The following SIPA1L3 variants were observed in gnomAD, a reference collection of about 807,000 sequenced individuals.
SIPA1L3 encodes the protein signal induced proliferation associated 1 like 3.
Under a neutral mutation model 150.1 loss-of-function variants are expected in SIPA1L3, and 59 were observed. The observed-to-expected ratio is 0.39, with a 90% confidence interval of 0.32 to 0.49. SIPA1L3 has a LOEUF of 0.49. SIPA1L3 is among the 20% of genes least tolerant of loss of function. The pLI is 0.86. For synonymous variants in SIPA1L3, 1,070 were observed against 1,077.6 expected, an observed-to-expected ratio of 0.99 and a Z score of 0.14; for missense variants, 2,211 against 2,489.5, an observed-to-expected ratio of 0.89 and a Z score of 2.38.
At chr19:38,041,129 T>C (rs1968910928) in intron 2 of SIPA1L3, among the ~76,000 whole-genome samples, 1 of 149,002 alleles carries the variant, frequency 6.7e-6, no homozygotes, top group African/African-American at 2.5e-5. Context: ...TTTTTTGAGT[T>C]GGAGTCTCAC....
At chr19:38,110,097 A>G (rs1005311628) in intron 7 of SIPA1L3, 130 bp from the exon 8 acceptor site, 2 of 831,804 alleles carry the variant, frequency 2.4e-6, no homozygotes, top group African/African-American at 4.0e-5. Context: ...TGACTCGGGC[A>G]TTCCTTGGGC....
intron 10 of SIPA1L3, among the ~76,000 whole-genome samples, chr19:38,140,198 T>C (rs1971542128): frequency 6.6e-6 from 1 of 152,168 alleles, no homozygotes; most frequent in Admixed American, 6.5e-5. Context: ...TGAGCTCAGC[T>C]CTCAGCTGCC....
intron 1 of SIPA1L3, among the ~76,000 whole-genome samples, chr19:37,992,449 G>C (rs1257568851): frequency 6.6e-6 from 1 of 152,048 alleles, no homozygotes; most frequent in Non-Finnish European, 1.5e-5. Flanking sequence ...TCAGGAGTTC[G>C]AGACCAGCCT....
intron 15 of SIPA1L3, among the ~76,000 whole-genome samples, chr19:38,177,801 G>A (rs1020361974): frequency 6.6e-6 from 1 of 152,174 alleles, no homozygotes; most frequent in Non-Finnish European, 1.5e-5. Flanking sequence ...CGAGGCAGGT[G>A]GATCACTTGA....
intron 21 of SIPA1L3, among the ~76,000 whole-genome samples, chr19:38,204,659 G>C (rs1458514659): frequency 6.6e-6 from 1 of 152,142 alleles, no homozygotes; most frequent in Non-Finnish European, 1.5e-5. Context: ...CAGGTACTCA[G>C]GATGCTGAGG....
intron 1 of SIPA1L3, among the ~76,000 whole-genome samples, chr19:37,991,396 G>A (rs1189169453): frequency 6.6e-6 from 1 of 152,250 alleles, no homozygotes; most frequent in African/African-American, 2.4e-5. Context: ...ATCTCTCTGG[G>A]GATGGGAGGA....
chr19:37,925,238 G>C (rs527645881), intron 1 of SIPA1L3, among the ~76,000 whole-genome samples: 19 of 152,168 alleles, frequency 1.2e-4, no homozygotes, highest in Non-Finnish European at 2.2e-4. Flanking sequence ...TGGTCGTCTT[G>C]TGGGACCACC....
chr19:38,118,083 A>G (rs1391911536), intron 8 of SIPA1L3, among the ~76,000 whole-genome samples: 1 of 152,192 alleles, frequency 6.6e-6, no homozygotes, highest in East Asian at 1.9e-4. Context: ...AGAGGAATGC[A>G]ATGAATTTTC....
rs769466798 is a variant in SIPA1L3 at position 38,119,382 on chromosome 19, G to T, written c.2368G>T (p.Asp790Tyr). 6 of 1,613,942 alleles carry T rather than the reference G, an allele frequency of 3.7e-6. No homozygotes were observed. In the African/African-American group the frequency reaches 6.7e-5, roughly 18 times the overall value. Residue 790 changes from aspartate (D) to tyrosine (Y), a missense_variant, in exon 9 of 22, where the codon GAC (aspartate) becomes TAC (tyrosine). Physicochemically the swap from Asp to Tyr is radical, Grantham distance 160. Transcript: ENST00000222345. Reference protein sequence around the residue: ...IPSGTTFRKSDVFRDFLLAKV... With the variant: ...IPSGTTFRKSYVFRDFLLAKV... ...CAGTGGAACCACATTCCGCAAATCCGACGTCTTCAGAGACTTCTTGCTGGC... is the reference window on the plus strand; with the variant it reads ...CAGTGGAACCACATTCCGCAAATCCTACGTCTTCAGAGACTTCTTGCTGGC...
At chr19:38,077,459 AT>A (rs1223858297) in intron 2 of SIPA1L3, among the ~76,000 whole-genome samples, 1 of 151,986 alleles carries the variant, frequency 6.6e-6, no homozygotes, top group South Asian at 2.1e-4. Flanking sequence ...TCTAAAAAAA[AT>A]AATAATAAAA....
At chr19:38,037,678 G>A (rs978959300) in intron 2 of SIPA1L3, among the ~76,000 whole-genome samples, 20 of 152,092 alleles carry the variant, frequency 1.3e-4, no homozygotes, top group Non-Finnish European at 2.9e-5. Flanking sequence ...TTCGAGGAGC[G>A]GGACACAGGC....
At chr19:38,095,814 A>G (rs1483081382) in intron 4 of SIPA1L3, among the ~76,000 whole-genome samples, 1 of 152,198 alleles carries the variant, frequency 6.6e-6, no homozygotes, top group Non-Finnish European at 1.5e-5. Context: ...GTCAGAGCCA[A>G]AATGTGACTG....
In SIPA1L3 at chr19:38,206,616, G is replaced by C. The variant is rs1367845624; in HGVS notation, c.*376G>C. 5.5e-6 allele frequency: 1 copy of C among 181,764 alleles called. No individual in the cohort carries two copies. Among genetic ancestry groups the C allele is most frequent in the Non-Finnish European group, 1.1e-5 (1 of 87,758 alleles). 11.3% of individuals were successfully genotyped at this position (181,764 alleles called of 1,614,324 possible). A position where few individuals can be genotyped will look rare whatever the true frequency, so the allele number is the denominator to read the frequency against. ...GTCTCCAGACGCCTCGGCTCCAGGA[G>C]GTCACACAGCAGGTTTCTGCACCAC... is the stretch of plus-strand genomic sequence containing the variant. On this transcript the variant is annotated 3_prime_UTR_variant, in exon 22 of 22. Transcript: ENST00000222345.
chr19:37,927,309 G>A (rs139068357), intron 1 of SIPA1L3, among the ~76,000 whole-genome samples: 8 of 151,924 alleles, frequency 5.3e-5, no homozygotes, highest in South Asian at 2.1e-4. Flanking sequence ...AACCATGCCC[G>A]GCTAAACTTT....
chr19:38,171,948 A>G (rs1019774060), intron 15 of SIPA1L3, among the ~76,000 whole-genome samples: 1 of 152,130 alleles, frequency 6.6e-6, no homozygotes, highest in African/African-American at 2.4e-5. Context: ...AGGTTGGGGA[A>G]ATCAGCAGTG....
At position 38,141,258 on chromosome 19, in the gene SIPA1L3, G is replaced by A. The variant is rs752095400; in HGVS notation, c.3218G>A (p.Arg1073Gln). 11 of 1,613,494 alleles carry A rather than the reference G, an allele frequency of 6.8e-6. No homozygotes were observed. The highest frequency in any genetic ancestry group is 3.3e-5 in the South Asian group (3 of 91,064). The change falls in exon 11 of 22, where the codon CGG becomes CAG. Residue 1073 changes from arginine (R) to glutamine (Q), a missense_variant. Transcript: ENST00000222345. ...CAGGAAAGCATCACTCCTGGGGGCC[G>A]GCCCCCCTACCGCAGCAATGCTCCC... ...TEQESITPGG[R>Q]PPYRSNAPWQ...
At chr19:38,057,009 C>T (rs1172826506) in intron 2 of SIPA1L3, among the ~76,000 whole-genome samples, 2 of 152,038 alleles carry the variant, frequency 1.3e-5, no homozygotes, top group East Asian at 1.9e-4. Flanking sequence ...GGTGGCTCAA[C>T]GCCTGTAATC....
intron 1 of SIPA1L3, among the ~76,000 whole-genome samples, chr19:37,978,724 C>T (rs1967131088): frequency 6.6e-6 from 1 of 152,046 alleles, no homozygotes; most frequent in African/African-American, 2.4e-5. Context: ...CCTATAATCC[C>T]AACACTTTGG....
Position 38,196,395 on chromosome 19 carries a change from CA to C in SIPA1L3, c.4841-1993del, listed in dbSNP as rs1568605731. ...AAGGGCGGAGCATGGAGGTCAAGGG[CA>C]GAGCAAGGAGGTCAAGGGCAGAGCA... On this transcript the variant is annotated intron_variant, in intron 18 of 21. Transcript: ENST00000222345. Among the ~76,000 whole-genome samples, 16 of 144,998 alleles carry C rather than the reference CA, an allele frequency of 1.1e-4. No individual in the cohort carries two copies. The East Asian group carries it at 2.2e-3, about 20-fold the overall frequency.
Sources: gnomAD v4.1 joint callset for allele counts (sites outside exome capture counted in the v4.1 genomes callset) on GRCh38, gnomAD v4.1.1 for gene constraint, MANE v1.5 for transcripts, NCBI Gene and HGNC (gene_info 2026-07-23, HGNC 2026-07-21) for gene names.